The following TRAF3IP3 variants were observed in gnomAD, a reference collection of about 807,000 sequenced individuals.
TRAF3IP3 encodes the protein TRAF3-interacting JNK-activating modulator.
A neutral mutation model predicts 86.5 loss-of-function variants in TRAF3IP3; 64 were observed. That is an observed-to-expected ratio of 0.74 (90% CI 0.60 to 0.91). TRAF3IP3 has a LOEUF of 0.91. Ranked by LOEUF, TRAF3IP3 falls within the 40% of genes least tolerant of loss-of-function variation. The pLI is 0.00. For synonymous variants in TRAF3IP3, 220 were observed against 243.9 expected (o/e 0.90, Z 0.91); for missense variants, 579 against 642.9 (o/e 0.90, Z 1.07).
At position 209,776,212 on chromosome 1, in the gene TRAF3IP3, A is replaced by G. The variant is rs41314250; in HGVS notation, c.1053+476A>G. On this transcript the variant is annotated intron_variant, in intron 11 of 16. Transcript: ENST00000367025. ...GATTCTTGGCATCCTCAAGGGTTCC[A>G]TCATCTTCAATCTGTCCTAAGCCTC... 1,324 of 155,136 alleles carry G rather than the reference A, an allele frequency of 8.5e-3. 12 individuals carry two copies. Among genetic ancestry groups the G allele is most frequent in the Non-Finnish European group, 0.011 (755 of 69,840 alleles). The allele number at this position is 155,136 out of a possible 1,614,324, so 9.6% of individuals were successfully genotyped here.
chr1:209,766,933 G>A (rs1451599798), intron 8 of TRAF3IP3, among the ~76,000 whole-genome samples: 1 of 152,200 alleles, frequency 6.6e-6, no homozygotes, highest in Non-Finnish European at 1.5e-5. Flanking sequence ...CTAACCAGTA[G>A]AGAAGCAAGA....
chr1:209,773,710 G>C lies in TRAF3IP3; in HGVS notation c.774+691G>C, dbSNP rs191450203. On this transcript the variant is annotated intron_variant, in intron 9 of 16. Coordinates refer to ENST00000367025, the MANE Select transcript of TRAF3IP3 (RefSeq NM_025228.4). ...TGGCCACATTGATGGCGTCTTACAG[G>C]GGAAGAGAGTTTATGGAGTCTATAA... Among the ~76,000 whole-genome samples, 359 of 152,304 alleles carry C rather than the reference G, an allele frequency of 2.4e-3. 5 individuals carry two copies. The highest frequency in any genetic ancestry group is 8.3e-3 in the African/African-American group (347 of 41,572).
intron 16 of TRAF3IP3, 23 bp downstream of exon 16, chr1:209,781,481 T>C (rs76759084): frequency 4.5e-6 from 7 of 1,558,946 alleles, no homozygotes; most frequent in Non-Finnish European, 6.2e-6. Context: ...CTCCTTCCCA[T>C]AAAGCCCTGG....
intron 11 of TRAF3IP3, 50 bp downstream of exon 11, chr1:209,775,786 A>G: frequency 6.5e-7 from 1 of 1,536,158 alleles, no homozygotes. Flanking sequence ...GGGAGGAGGG[A>G]TGGTGATGAA....
At chr1:209,781,282 C>T in intron 15 of TRAF3IP3, 63 bp from the exon 16 acceptor site, 1 of 1,136,874 alleles carries the variant, frequency 8.8e-7, no homozygotes, top group Non-Finnish European at 1.3e-6. Flanking sequence ...AGGGCAGTCT[C>T]CCCTGCCTGG....
In TRAF3IP3 at chr1:209,775,685, C is replaced by T. The variant is rs768970550; in HGVS notation, c.1002C>T (p.Thr334=). 1.6e-5 allele frequency: 26 copies of T among 1,613,934 alleles called. No individual in the cohort carries two copies. The highest frequency in any genetic ancestry group is 2.0e-5 in the Non-Finnish European group (24 of 1,180,014). The part of the protein sequence containing the change: ...ALKEDWRTLG[T]QHRELESQLH... ...AGGAGGACTGGAGGACCCTTGGGAC[C>T]CAGCACAGGGAGCTGGAGAGCCAAC... The change falls in exon 11 of 17, where the codon ACC becomes ACT. Residue 334 remains threonine (T), a synonymous_variant. Coordinates refer to ENST00000367025, the MANE Select transcript of TRAF3IP3 (RefSeq NM_025228.4).
intron 8 of TRAF3IP3, among the ~76,000 whole-genome samples, chr1:209,766,701 T>C (rs1377343870): frequency 1.3e-5 from 2 of 152,164 alleles, no homozygotes; most frequent in Admixed American, 6.5e-5. Context: ...CCGTCTCTAC[T>C]AAAGATACAA....
At chr1:209,774,891 A>T (rs2077620295) in intron 9 of TRAF3IP3, among the ~76,000 whole-genome samples, 1 of 152,184 alleles carries the variant, frequency 6.6e-6, no homozygotes. Context: ...AGGGATAGAG[A>T]GGAGACAGAT....
At chr1:209,757,270 A>T (rs547287006) in intron 1 of TRAF3IP3, among the ~76,000 whole-genome samples, 1 of 152,312 alleles carries the variant, frequency 6.6e-6, no homozygotes, top group Non-Finnish European at 1.5e-5. Flanking sequence ...TCAGTGGACT[A>T]AGGTTGGTGG....
Position 209,775,334 on chromosome 1 carries a change from G to C in TRAF3IP3, c.775-15G>C. 6.2e-7 allele frequency: 1 copy of C among 1,601,048 alleles called. No individual in the cohort carries two copies. Among genetic ancestry groups the C allele is most frequent in the East Asian group, 2.2e-5 (1 of 44,448 alleles). The stretch of plus-strand genomic sequence containing the variant: ...AAGCTCAATGTGTATTTGTTGAATT[G>C]CATCAAATTTACAGAAATACTCCCC... On this transcript the variant is annotated splice_polypyrimidine_tract_variant and intron_variant, in intron 9 of 16. Coordinates refer to ENST00000367025, the MANE Select transcript of TRAF3IP3 (RefSeq NM_025228.4).
At chr1:209,772,869 G>A in intron 8 of TRAF3IP3, 79 bp from the exon 9 acceptor site, 2 of 1,261,410 alleles carry the variant, frequency 1.6e-6, no homozygotes, top group Non-Finnish European at 2.3e-6. Context: ...GTGCTGGGCA[G>A]TAGAATAGGA....
intron 8 of TRAF3IP3, among the ~76,000 whole-genome samples, chr1:209,771,434 T>G (rs2077517396): frequency 9.0e-6 from 1 of 110,916 alleles, no homozygotes; most frequent in East Asian, 2.9e-4. Context: ...TGGAGGTGTG[T>G]GCATGTGGAG....
At position 209,782,131 on chromosome 1, in the gene TRAF3IP3, G is replaced by GACA; in HGVS notation, c.1642_1644dup (p.Asn548dup). 6.2e-7 allele frequency: 1 copy of GACA among 1,614,020 alleles called. No individual in the cohort carries two copies. The highest frequency in any genetic ancestry group is 8.5e-7 in the Non-Finnish European group (1 of 1,179,884). On this transcript the variant is annotated inframe_insertion, in exon 17 of 17. Transcript: ENST00000367025. ...ACTGGCAGTGTTCCTGGCCAATAAA[G>GACA]ACAACCTGATGATCTGAATAATTTG...
intron 8 of TRAF3IP3, chr1:209,768,593 G>A: frequency 3.0e-6 from 3 of 985,860 alleles, no homozygotes; most frequent in Non-Finnish European, 3.6e-6. Flanking sequence ...TGGTGTTTCT[G>A]GAGAGCAGAT....
In TRAF3IP3 at chr1:209,775,751, G is replaced by T; in HGVS notation, c.1053+15G>T. On this transcript the variant is annotated intron_variant, in intron 11 of 16. Coordinates refer to ENST00000367025, the MANE Select transcript of TRAF3IP3 (RefSeq NM_025228.4). ...CCAAACTGCAGGTACCAGGCACTGG[G>T]GGTGGGGAGGGAAGACAGGGTATGG... The T allele has an allele frequency of 6.2e-7, 1 of 1,600,980 alleles. No individual in the cohort carries two copies. Among genetic ancestry groups the T allele is most frequent in the African/African-American group, 1.3e-5 (1 of 74,752 alleles).
chr1:209,777,262 T>G, intron 11 of TRAF3IP3, 90 bp from the exon 12 acceptor site: 1 of 1,207,520 alleles, frequency 8.3e-7, no homozygotes, highest in Non-Finnish European at 1.2e-6. Context: ...TTCCAGACTT[T>G]TCTACATTTT....
chr1:209,763,904 T>C (rs1411623549), intron 8 of TRAF3IP3, among the ~76,000 whole-genome samples: 1 of 152,212 alleles, frequency 6.6e-6, no homozygotes, highest in Non-Finnish European at 1.5e-5. Flanking sequence ...TTACTAAATA[T>C]GCTAAATGTC....
rs189070193 is a variant in TRAF3IP3 at position 209,768,706 on chromosome 1, T to C, written c.703-4242T>C. On this transcript the variant is annotated intron_variant, in intron 8 of 16. Coordinates refer to ENST00000367025, the MANE Select transcript of TRAF3IP3 (RefSeq NM_025228.4). ...GCTCCTCTCTTCACTGGGGTTTATATGCCCTCTGAGCCCTCGGCTCCCGGG... is the reference window on the plus strand; with the variant it reads ...GCTCCTCTCTTCACTGGGGTTTATACGCCCTCTGAGCCCTCGGCTCCCGGG... The C allele has an allele frequency of 1.5e-4, 146 of 985,540 alleles. No individual in the cohort carries two copies. The East Asian group carries it at 2.4e-3, about 16-fold the overall frequency. The allele number at this position is 985,540 out of a possible 1,614,324, so 61.0% of individuals were successfully genotyped here.
Position 209,763,073 on chromosome 1 carries a change from G to A in TRAF3IP3, c.557G>A (p.Gly186Glu). The change falls in exon 6 of 17, where the codon GGA becomes GAA. Residue 186 changes from glycine to glutamate, a missense_variant. By Grantham distance (98) the Gly-to-Glu change is moderately conservative. Transcript: ENST00000367025. ...KNDASQQTNYGVAVLDKEIIQ... is the reference protein window; with the variant it reads ...KNDASQQTNYEVAVLDKEIIQ... ...TTAATTTCTTCTCTTTCCAGTTACGGAGTTGCAGTTCTGGATAAGGTAAGC... is the reference window on the plus strand; with the variant it reads ...TTAATTTCTTCTCTTTCCAGTTACGAAGTTGCAGTTCTGGATAAGGTAAGC... 6.2e-7 allele frequency: 1 copy of A among 1,613,508 alleles called. No individual in the cohort carries two copies. Among genetic ancestry groups the A allele is most frequent in the Non-Finnish European group, 8.5e-7 (1 of 1,179,686 alleles).
Sources: allele counts gnomAD v4.1 joint callset (sites outside exome capture counted in the v4.1 genomes callset), GRCh38; gene constraint gnomAD v4.1.1; transcripts MANE v1.5; gene names NCBI Gene and HGNC (gene_info 2026-07-23, HGNC 2026-07-21).